The following EBF1 variants were observed in gnomAD, a reference collection of about 807,000 sequenced individuals.
EBF1 encodes the protein transcription factor COE1.
In EBF1, 10 loss-of-function variants were observed where a neutral mutation model predicts 68.4. The ratio of observed to expected loss-of-function variants is 0.15; its 90% CI spans 0.09 to 0.25. EBF1 has a LOEUF of 0.25. Among genes scored for constraint, EBF1 ranks in the 10% least tolerant of loss-of-function variants. EBF1 has a pLI of 1.00. For synonymous variants in EBF1, 298 were observed against 299.8 expected (o/e 0.99, Z 0.06); for missense variants, 509 against 794.4 (o/e 0.64, Z 4.32).
At chr5:158,995,652 C>A (rs967696962) in intron 6 of EBF1, among the ~76,000 whole-genome samples, 2 of 152,152 alleles carry the variant, frequency 1.3e-5, no homozygotes, top group African/African-American at 4.8e-5. Flanking sequence ...TGGATATATG[C>A]CTTACCCTCT....
At chr5:159,030,691 A>C (rs1251808036) in intron 6 of EBF1, among the ~76,000 whole-genome samples, 2 of 152,214 alleles carry the variant, frequency 1.3e-5, no homozygotes, top group African/African-American at 4.8e-5. Flanking sequence ...GGGTCGCAGA[A>C]GCATGGACAC....
chr5:158,855,689 G>T (rs1391386946), intron 6 of EBF1, among the ~76,000 whole-genome samples: 1 of 152,168 alleles, frequency 6.6e-6, no homozygotes, highest in Non-Finnish European at 1.5e-5. Flanking sequence ...TCAAATATTT[G>T]CTAAGTGAAT....
chr5:158,852,389 C>A (rs1037127627), intron 6 of EBF1, among the ~76,000 whole-genome samples: 21 of 152,230 alleles, frequency 1.4e-4, no homozygotes, highest in Non-Finnish European at 2.6e-4. Context: ...GCCTGTCATC[C>A]CCCGGCCTCA....
intron 9 of EBF1, 127 bp downstream of exon 9, chr5:158,796,218 T>C: frequency 9.5e-7 from 1 of 1,048,344 alleles, no homozygotes; most frequent in Non-Finnish European, 1.2e-6. Context: ...CCCCAAATTC[T>C]GTAGACTGAA....
At chr5:159,055,922 A>T (rs1774657089) in intron 6 of EBF1, among the ~76,000 whole-genome samples, 1 of 152,200 alleles carries the variant, frequency 6.6e-6, no homozygotes, top group Non-Finnish European at 1.5e-5. Context: ...TTATTGAATA[A>T]ATTAACATGC....
chr5:158,708,118 G>T lies in EBF1; in HGVS notation c.1605C>A (p.Ser535Arg). Residue 535 changes from serine (S) to arginine (R), a missense_variant, in exon 15 of 16, where the codon AGC becomes AGA. This residue lies in a region of EBF1 where 205 missense variants were observed against 247.4 expected (regional missense o/e 0.83). Coordinates refer to ENST00000313708, the MANE Select transcript of EBF1 (RefSeq NM_024007.5). ...AGAAGGAGAAGATGCCCGAGGAGCTGCTGCAGTTGGAGGGGAGGCTTGTGG... is the reference window on the plus strand; with the variant it reads ...AGAAGGAGAAGATGCCCGAGGAGCTTCTGCAGTTGGAGGGGAGGCTTGTGG... ...ASSTSLPSNC[S>R]SSSGIFSFSP... 6.3e-7 allele frequency: 1 copy of T among 1,589,210 alleles called. No individual in the cohort carries two copies. Among genetic ancestry groups the T allele is most frequent in the Non-Finnish European group, 8.6e-7 (1 of 1,167,276 alleles).
At chr5:158,761,930 A>G (rs1021236375) in intron 10 of EBF1, among the ~76,000 whole-genome samples, 2 of 152,230 alleles carry the variant, frequency 1.3e-5, no homozygotes, top group Admixed American at 6.5e-5. Context: ...ACTTAAATCA[A>G]TGAGTCTTAA....
At chr5:158,814,771 A>G (rs1302599036) in intron 8 of EBF1, among the ~76,000 whole-genome samples, 1 of 152,222 alleles carries the variant, frequency 6.6e-6, no homozygotes, top group Non-Finnish European at 1.5e-5. Context: ...TTGCAAATAA[A>G]TAAAATATTA....
At chr5:158,871,396 G>GA (rs1322275993) in intron 6 of EBF1, among the ~76,000 whole-genome samples, 25 of 152,000 alleles carry the variant, frequency 1.6e-4, no homozygotes, top group Admixed American at 1.2e-3. Context: ...GGCTCCCTTG[G>GA]AAAAAAATGC....
At chr5:158,783,101 T>C (rs1776741534) in intron 9 of EBF1, among the ~76,000 whole-genome samples, 1 of 152,214 alleles carries the variant, frequency 6.6e-6, no homozygotes, top group South Asian at 2.1e-4. Flanking sequence ...AGAGTGTTTA[T>C]TTCTGGACTG....
intron 10 of EBF1, among the ~76,000 whole-genome samples, chr5:158,745,931 C>T (rs754704043): frequency 6.6e-6 from 1 of 152,124 alleles, no homozygotes; most frequent in Non-Finnish European, 1.5e-5. Context: ...TTTCCTAATT[C>T]CCATGGAATA....
chr5:158,912,855 AG>A (rs1806310547), intron 6 of EBF1, among the ~76,000 whole-genome samples: 1 of 152,196 alleles, frequency 6.6e-6, no homozygotes, highest in Non-Finnish European at 1.5e-5. Context: ...CACATGAAAA[AG>A]GTTCTAGTAG....
chr5:158,811,140 C>A (rs1397813140), intron 8 of EBF1, among the ~76,000 whole-genome samples: 1 of 152,146 alleles, frequency 6.6e-6, no homozygotes. Flanking sequence ...AGGGCTGGCA[C>A]AGGGAGTTTG....
chr5:158,936,588 A>G (rs747156031), intron 6 of EBF1, among the ~76,000 whole-genome samples: 6 of 152,204 alleles, frequency 3.9e-5, no homozygotes, highest in Admixed American at 6.5e-5. Flanking sequence ...CCCTTCCCAC[A>G]TTTGCAAGCT....
intron 6 of EBF1, among the ~76,000 whole-genome samples, chr5:158,886,099 T>C (rs966570219): frequency 2.0e-5 from 3 of 152,148 alleles, no homozygotes; most frequent in African/African-American, 7.2e-5. Context: ...TCCTAATCCT[T>C]AGAGGAATCC....
chr5:158,848,024 C>T (rs189775386), intron 6 of EBF1, among the ~76,000 whole-genome samples: 2 of 152,314 alleles, frequency 1.3e-5, no homozygotes. Context: ...AGCCTCAGCT[C>T]CTCAACTTAG....
At chr5:158,777,041 A>G (rs147885955) in intron 10 of EBF1, among the ~76,000 whole-genome samples, 1 of 152,338 alleles carries the variant, frequency 6.6e-6, no homozygotes, top group Non-Finnish European at 1.5e-5. Context: ...TGAACAGGCT[A>G]GAGGAAAGAC....
rs554737418 is a variant in EBF1 at position 158,810,633 on chromosome 5, T to C, written c.778+12543A>G. Among the ~76,000 whole-genome samples, 7 of 152,262 alleles carry C rather than the reference T, an allele frequency of 4.6e-5. No individual in the cohort carries two copies. In the South Asian group the frequency reaches 1.5e-3, roughly 32 times the overall value. Reference sequence around the variant, plus strand: ...TTTGAACAACTGGTATCCTGCTGATTGCAACTGTCAATTAAATAAGCCAGC... The same window carrying C: ...TTTGAACAACTGGTATCCTGCTGATCGCAACTGTCAATTAAATAAGCCAGC... On this transcript the variant is annotated intron_variant, in intron 8 of 15. Coordinates refer to ENST00000313708, the MANE Select transcript of EBF1 (RefSeq NM_024007.5).
At position 158,867,120 on chromosome 5, in the gene EBF1, T is replaced by C. The variant is rs142226446; in HGVS notation, c.555-27010A>G. On this transcript the variant is annotated intron_variant, in intron 6 of 15. Transcript: ENST00000313708. ...GTCAATGTTAATTTCAAATTTGTTG[T>C]AAGTTCTGCTCTATTGTGCCTGGCC... Among the ~76,000 whole-genome samples the C allele has an allele frequency of 2.8e-3, 419 of 152,152 alleles. 1 individual carries two copies. The highest frequency in any genetic ancestry group is 9.8e-3 in the African/African-American group (407 of 41,508).
Sources: allele counts gnomAD v4.1 joint callset (sites outside exome capture counted in the v4.1 genomes callset), GRCh38; gene constraint gnomAD v4.1.1; regional missense constraint gnomAD v4.1.1; transcripts MANE v1.5; gene names NCBI Gene and HGNC (gene_info 2026-07-23, HGNC 2026-07-21).